SYTL2: variants seen among roughly 807,000 people sequenced by gnomAD.
SYTL2 encodes the protein synaptotagmin-like protein 2.
A neutral mutation model predicts 198.7 loss-of-function variants in SYTL2; 165 were observed. The observed-to-expected ratio is 0.83, with a 90% CI of 0.73 to 0.94. The LOEUF (loss-of-function observed/expected upper bound fraction) is 0.94. Among genes scored for constraint, SYTL2 ranks in the 40% least tolerant of loss-of-function variants. The probability of loss-of-function intolerance (pLI) is 0.00; values close to 1 mark genes in which losing one functional copy is unlikely to be tolerated. For missense variants in SYTL2, 2,835 were observed against 2,582.8 expected (o/e 1.10, Z -2.12); for synonymous variants, 966 against 917.7 (o/e 1.05, Z -0.95).
At chr11:85,831,986 T>C in the SYTL2 span, among the ~76,000 whole-genome samples, 1 of 149,684 alleles carries the variant, frequency 6.7e-6, no homozygotes, top group Non-Finnish European at 1.5e-5. Context: ...CACTTTTAAA[T>C]GACAATTTCT....
At chr11:85,740,923 T>TA (rs2090738643) in intron 4 of SYTL2, among the ~76,000 whole-genome samples, 1 of 152,260 alleles carries the variant, frequency 6.6e-6, no homozygotes, top group Admixed American at 6.5e-5. Context: ...ACAGCCGTTT[T>TA]AAAATTATAC....
rs377338656 is a variant in SYTL2, at chr11:85,734,378, A to C, written c.951T>G (p.Ser317=). The C allele has an allele frequency of 6.1e-5, 99 of 1,614,102 alleles. No homozygotes were observed. Among genetic ancestry groups the C allele is most frequent in the Non-Finnish European group, 7.5e-5 (88 of 1,180,028 alleles). ...AGTTTGGGGAAGAGTTGTCTTCTAA[A>C]GAATGCTCCTTCTCAGAAATTCTCT... ...IHERISEKEH[S]LEDNSSPNSL... Residue 317 remains serine, a synonymous_variant, in exon 7 of 20, where the codon TCT becomes TCG. Transcript: ENST00000359152.
chr11:85,812,901 T>G (rs553700516), upstream of SYTL2, among the ~76,000 whole-genome samples: 3 of 152,268 alleles, frequency 2.0e-5, no homozygotes, highest in African/African-American at 7.2e-5. Context: ...TTTTGGTACT[T>G]CACTTTTATT....
In SYTL2 at chr11:85,733,821, G is replaced by A. The variant is rs538389812; in HGVS notation, c.1390+118C>T. 35 of 743,612 alleles carry A rather than the reference G, an allele frequency of 4.7e-5. 1 individual carries two copies. Among genetic ancestry groups the A allele is most frequent in the South Asian group, 7.1e-5 (4 of 56,364 alleles). 46.1% of individuals were successfully genotyped at this position (743,612 alleles called of 1,614,324 possible). On this transcript the variant is annotated intron_variant, in intron 7 of 19. Coordinates refer to ENST00000359152, the MANE Select transcript of SYTL2 (RefSeq NM_206927.4). ...TCACCTTGTTAGCCAGGATGGTCTC[G>A]ATCTCCTGACCTCATGATCCACCCG...
chr11:85,845,704 C>G, the SYTL2 span, among the ~76,000 whole-genome samples: 11 of 152,214 alleles, frequency 7.2e-5, no homozygotes, highest in East Asian at 1.9e-3. Flanking sequence ...GTCAGGAGAT[C>G]GAGACCATCC....
the SYTL2 span, among the ~76,000 whole-genome samples, chr11:85,833,146 G>A: frequency 2.1e-4 from 17 of 82,674 alleles, no homozygotes; most frequent in Middle Eastern, 6.4e-3. Flanking sequence ...AAGGAAGGAA[G>A]GAAGGAAGGA....
rs755455103 is a variant in SYTL2, at chr11:85,724,857, A to T, written c.4501T>A (p.Leu1501Ile). ...KSEFLEFSAG[L>I]EKLLKEETET... ...GTTTCTTCCTTCAGTAGTTTTTCTA[A>T]GCCAGCACTGAATTCGAGGAACTCT... Residue 1501 changes from leucine to isoleucine, a missense_variant, in exon 8 of 20, where the codon TTA becomes ATA. Transcript: ENST00000359152. The T allele has an allele frequency of 6.2e-7, 1 of 1,613,964 alleles. No homozygotes were observed. The highest frequency in any genetic ancestry group is 2.2e-5 in the East Asian group (1 of 44,882).
At chr11:85,788,203 T>G (rs573967071) in intron 1 of SYTL2, among the ~76,000 whole-genome samples, 2 of 152,338 alleles carry the variant, frequency 1.3e-5, no homozygotes, top group East Asian at 3.9e-4. Flanking sequence ...TGGCCTCTGA[T>G]GAAAATGAGA....
rs1315518625 is a variant in SYTL2 at position 85,757,902 on chromosome 11, C to T, written c.-177G>A. 1 of 747,810 alleles carries T rather than the reference C, an allele frequency of 1.3e-6. No individual in the cohort carries two copies. Among genetic ancestry groups the T allele is most frequent in the Non-Finnish European group, 2.1e-6 (1 of 470,478 alleles). The allele number at this position is 747,810 out of a possible 1,614,324, so 46.3% of individuals were successfully genotyped here. A position where few individuals can be genotyped will look rare whatever the true frequency, so the allele number is the denominator to read the frequency against. On this transcript the variant is annotated 5_prime_UTR_variant, in exon 2 of 20. The change abolishes the stop of an existing upstream ORF in the 5' untranslated region. Transcript: ENST00000359152. ...GTTTAGGGCAGCTGATAGCAAGATC[C>T]TAAGTGCTCTTTCCCATGAGGAAGT...
chr11:85,779,720 T>C (rs983884007), intron 1 of SYTL2, among the ~76,000 whole-genome samples: 1 of 152,000 alleles, frequency 6.6e-6, no homozygotes, highest in African/African-American at 2.4e-5. Flanking sequence ...TAAAACAATC[T>C]TCAGTTTCAG....
intron 1 of SYTL2, among the ~76,000 whole-genome samples, chr11:85,801,279 G>A (rs2092882874): frequency 6.6e-6 from 1 of 151,980 alleles, no homozygotes; most frequent in Non-Finnish European, 1.5e-5. Flanking sequence ...ACAAAAAGGG[G>A]CCTTAAACTT....
chr11:85,718,798 G>C lies in SYTL2; in HGVS notation c.5474C>G (p.Ala1825Gly). 1.2e-6 allele frequency: 2 copies of C among 1,613,288 alleles called. No individual in the cohort carries two copies. Among genetic ancestry groups the C allele is most frequent in the Non-Finnish European group, 1.7e-6 (2 of 1,179,428 alleles). ...TACATAAAGATATTTACCATCTTCAGCACTACGCACTAATTCTTCTGGCTG... is the reference window on the plus strand; with the variant it reads ...TACATAAAGATATTTACCATCTTCACCACTACGCACTAATTCTTCTGGCTG... ...DNQPEELVRS[A>G]EDDEKPDQKP... Residue 1825 changes from alanine to glycine, a missense_variant, in exon 10 of 20, where the codon GCT (alanine) becomes GGT (glycine). By Grantham distance (60) the Ala-to-Gly change is moderately conservative. Around this residue, in one of 3 missense-constraint regions of SYTL2, gnomAD observed 2,645 missense variants for 2,381.7 expected, o/e 1.11. Transcript: ENST00000359152.
chr11:85,765,426 G>A (rs2092214517), intron 1 of SYTL2, among the ~76,000 whole-genome samples: 1 of 152,096 alleles, frequency 6.6e-6, no homozygotes, highest in South Asian at 2.1e-4. Context: ...TAGTAGAGAC[G>A]GGGTTTCACC....
Position 85,725,963 on chromosome 11 carries a change from A to G in SYTL2, c.3395T>C (p.Phe1132Ser). ...NVLSKDCKDT[F>S]NDSLQKLLSE... ...AAGCAGTTTCTGCAAGCTGTCATTA[A>G]AAGTGTCTTTGCAGTCTTTAGACAA... Residue 1132 changes from phenylalanine (F) to serine (S), a missense_variant, in exon 8 of 20, where the codon TTT becomes TCT. By Grantham distance (155) the Phe-to-Ser change is radical (BLOSUM62 -2). This residue lies in a region of SYTL2 where 2,645 missense variants were observed against 2,381.7 expected (regional missense o/e 1.11). Coordinates refer to ENST00000359152, the MANE Select transcript of SYTL2 (RefSeq NM_206927.4). 6.2e-7 allele frequency: 1 copy of G among 1,614,194 alleles called. No homozygotes were observed. Among genetic ancestry groups the G allele is most frequent in the African/African-American group, 1.3e-5 (1 of 75,062 alleles).
At chr11:85,791,538 C>G (rs11599980) in intron 1 of SYTL2, among the ~76,000 whole-genome samples, 1 of 152,214 alleles carries the variant, frequency 6.6e-6, no homozygotes, top group Non-Finnish European at 1.5e-5. Context: ...ATGATGAACT[C>G]TAAACATCTT....
At chr11:85,714,362 A>C in intron 12 of SYTL2, 51 bp downstream of exon 12, 1 of 1,436,920 alleles carries the variant, frequency 7.0e-7, no homozygotes. Flanking sequence ...TTGGCATAGC[A>C]ATTCCAACCC....
intron 13 of SYTL2, among the ~76,000 whole-genome samples, chr11:85,710,337 A>T (rs2086033289): frequency 6.6e-6 from 1 of 152,204 alleles, no homozygotes; most frequent in Non-Finnish European, 1.5e-5. Flanking sequence ...AACCTTCCCA[A>T]AGGCAGATGT....
chr11:85,800,968 T>A (rs973703484), intron 1 of SYTL2, among the ~76,000 whole-genome samples: 1 of 152,186 alleles, frequency 6.6e-6, no homozygotes, highest in African/African-American at 2.4e-5. Flanking sequence ...CCCTCCAGCA[T>A]AGATAAAGCA....
At chr11:85,833,078 A>G in the SYTL2 span, among the ~76,000 whole-genome samples, 60 of 45,314 alleles carry the variant, frequency 1.3e-3, 5 homozygotes, top group East Asian at 2.6e-3. Flanking sequence ...AAAGAAAGAA[A>G]GAAAGAAAGA....
Sources: gnomAD v4.1 joint callset for allele counts (sites outside exome capture counted in the v4.1 genomes callset) on GRCh38, gnomAD v4.1.1 for gene constraint, gnomAD v4.1.1 regional missense constraint, MANE v1.5 for transcripts, NCBI Gene and HGNC (gene_info 2026-07-23, HGNC 2026-07-21) for gene names.